Variants in MLLT3 observed in about 807,000 individuals in gnomAD.
MLLT3 encodes the protein protein AF-9.
Under a neutral mutation model 53.2 loss-of-function variants are expected in MLLT3, and 4 were observed. The observed-to-expected ratio is 0.08, with a 90% CI of 0.04 to 0.17. The LOEUF (loss-of-function observed/expected upper bound fraction) is 0.17. Ranked by LOEUF, MLLT3 falls within the 10% of genes least tolerant of loss-of-function variation. MLLT3 has a pLI of 1.00. For synonymous variants in MLLT3, 283 were observed against 230.6 expected (o/e 1.23, Z -2.06); for missense variants, 569 against 684.0 (o/e 0.83, Z 1.87).
chr9:20,391,314 AAAG>A (rs1380192403), intron 5 of MLLT3, among the ~76,000 whole-genome samples: 1 of 152,224 alleles, frequency 6.6e-6, no homozygotes, highest in Non-Finnish European at 1.5e-5. Context: ...GCAGAGGGAA[AAAG>A]AAGAGAAGGA....
At chr9:20,601,342 T>C (rs566774120) in intron 2 of MLLT3, among the ~76,000 whole-genome samples, 1 of 152,304 alleles carries the variant, frequency 6.6e-6, no homozygotes, top group East Asian at 1.9e-4. Context: ...AAAAAACACA[T>C]GAAAACTTAC....
At chr9:20,527,985 G>C (rs1818243727) in intron 2 of MLLT3, among the ~76,000 whole-genome samples, 1 of 152,208 alleles carries the variant, frequency 6.6e-6, no homozygotes, top group Non-Finnish European at 1.5e-5. Context: ...TGTTATGAGA[G>C]ATTATCTATT....
chr9:20,356,821 C>A (rs1323129223), intron 8 of MLLT3, among the ~76,000 whole-genome samples: 1 of 152,192 alleles, frequency 6.6e-6, no homozygotes, highest in Non-Finnish European at 1.5e-5. Flanking sequence ...TGCTACAGCA[C>A]AGAAGGCCAA....
At chr9:20,463,148 T>A (rs1824152712) in intron 2 of MLLT3, among the ~76,000 whole-genome samples, 2 of 152,146 alleles carry the variant, frequency 1.3e-5, no homozygotes. Flanking sequence ...AGATTTGGAA[T>A]AAGAATTTGA....
At chr9:20,555,806 C>T (rs1211802710) in intron 2 of MLLT3, among the ~76,000 whole-genome samples, 2 of 152,146 alleles carry the variant, frequency 1.3e-5, no homozygotes, top group Non-Finnish European at 2.9e-5. Context: ...AAATAAGAAA[C>T]ATTTCTAGAC....
At chr9:20,481,699 C>T (rs1005536313) in intron 2 of MLLT3, among the ~76,000 whole-genome samples, 6 of 152,182 alleles carry the variant, frequency 3.9e-5, no homozygotes, top group Admixed American at 1.3e-4. Context: ...CAATCAATGA[C>T]ATATCACCAG....
intron 2 of MLLT3, among the ~76,000 whole-genome samples, chr9:20,521,271 G>A (rs749119727): frequency 1.3e-5 from 2 of 152,024 alleles, no homozygotes; most frequent in African/African-American, 2.4e-5. Flanking sequence ...GGGTTTCGCC[G>A]TGTTGGCCAG....
chr9:20,459,525 G>T (rs1188628960), intron 2 of MLLT3, among the ~76,000 whole-genome samples: 1 of 152,180 alleles, frequency 6.6e-6, no homozygotes, highest in East Asian at 1.9e-4. Flanking sequence ...TTCAGTGTCA[G>T]GTTGCTTGGG....
intron 5 of MLLT3, among the ~76,000 whole-genome samples, chr9:20,394,202 G>A (rs1822262025): frequency 6.6e-6 from 1 of 152,090 alleles, no homozygotes; most frequent in Non-Finnish European, 1.5e-5. Flanking sequence ...CAAAGAAAAA[G>A]GTCCAGGGTT....
intron 2 of MLLT3, among the ~76,000 whole-genome samples, chr9:20,595,231 G>C (rs1034328452): frequency 5.9e-5 from 9 of 152,078 alleles, no homozygotes; most frequent in Non-Finnish European, 1.3e-4. Flanking sequence ...GCCAGGCATG[G>C]AGGTGTGTGC....
intron 4 of MLLT3, among the ~76,000 whole-genome samples, chr9:20,433,930 T>C (rs1232417525): frequency 1.3e-5 from 2 of 149,484 alleles, no homozygotes; most frequent in African/African-American, 2.5e-5. Flanking sequence ...CTGGCCAACA[T>C]GATGAAACCC....
chr9:20,605,525 T>C (rs1229823021), intron 2 of MLLT3, among the ~76,000 whole-genome samples: 2 of 152,090 alleles, frequency 1.3e-5, no homozygotes, highest in East Asian at 3.8e-4. Flanking sequence ...CAAAATAATT[T>C]CAAACTAAGT....
intron 2 of MLLT3, among the ~76,000 whole-genome samples, chr9:20,569,613 A>G (rs1252970196): frequency 1.3e-5 from 2 of 152,180 alleles, no homozygotes; most frequent in East Asian, 3.8e-4. Context: ...AATGACGACA[A>G]CCTATAATAA....
chr9:20,415,609 G>A (rs1163254525), intron 4 of MLLT3, among the ~76,000 whole-genome samples: 1 of 151,904 alleles, frequency 6.6e-6, no homozygotes, highest in Non-Finnish European at 1.5e-5. Flanking sequence ...ACATCTTCAG[G>A]CTTGCTTATT....
intron 2 of MLLT3, among the ~76,000 whole-genome samples, chr9:20,519,608 A>T (rs535399265): frequency 6.6e-6 from 1 of 152,318 alleles, no homozygotes; most frequent in South Asian, 2.1e-4. Flanking sequence ...GCTCAACATC[A>T]CTGATCATTA....
chr9:20,622,223 T>A, intron 1 of MLLT3, 22 bp downstream of exon 1: 3 of 1,601,226 alleles, frequency 1.9e-6, no homozygotes, highest in Non-Finnish European at 2.6e-6. Context: ...GGGCTTTTAT[T>A]ATTATTTTTG....
chr9:20,413,745 C>T lies in MLLT3; in HGVS notation c.1101G>A (p.Glu367=), dbSNP rs1822789249. 1.9e-6 allele frequency: 3 copies of T among 1,608,580 alleles called. No individual in the cohort carries two copies. The highest frequency in any genetic ancestry group is 1.7e-5 in the Admixed American group (1 of 59,174). ...CATCAGATTTAGAGGATATATTCTC[C>T]TCCACATCTGAATCATTGGGATCCA... ...DIVDPNDSDV[E]ENISSKSDSE... The change falls in exon 5 of 11, where the codon GAG becomes GAA. Residue 367 remains glutamate, a synonymous_variant. Coordinates refer to ENST00000380338, the MANE Select transcript of MLLT3 (RefSeq NM_004529.4).
chr9:20,418,835 AG>A (rs1237479319), intron 4 of MLLT3, among the ~76,000 whole-genome samples: 4 of 152,150 alleles, frequency 2.6e-5, no homozygotes, highest in African/African-American at 9.7e-5. Context: ...AGCACTCAGA[AG>A]GCACTTGATA....
chr9:20,592,409 C>T (rs1587110740), intron 2 of MLLT3, among the ~76,000 whole-genome samples: 1 of 152,282 alleles, frequency 6.6e-6, no homozygotes, highest in African/African-American at 2.4e-5. Flanking sequence ...TCTTCTGAGG[C>T]TTCTCCTTGG....
Sources: allele counts gnomAD v4.1 joint callset (sites outside exome capture counted in the v4.1 genomes callset), GRCh38; gene constraint gnomAD v4.1.1; transcripts MANE v1.5; gene names NCBI Gene and HGNC (gene_info 2026-07-23, HGNC 2026-07-21).